RFX6: variants seen among roughly 807,000 people sequenced by gnomAD.
RFX6 encodes the protein DNA-binding protein RFX6.
A neutral mutation model predicts 110.8 loss-of-function variants in RFX6; 50 were observed. The ratio of observed to expected loss-of-function variants is 0.45; its 90% CI spans 0.36 to 0.57. The LOEUF (loss-of-function observed/expected upper bound fraction) is 0.57. RFX6 is among the 20% of genes least tolerant of loss of function. The pLI is 0.00. For synonymous variants in RFX6, 383 were observed against 411.2 expected, an observed-to-expected ratio of 0.93 and a Z score of 0.83; for missense variants, 990 against 1,127.0, an observed-to-expected ratio of 0.88 and a Z score of 1.74.
At chr6:116,922,762 C>A (rs557810639) in intron 13 of RFX6, among the ~76,000 whole-genome samples, 42 of 152,256 alleles carry the variant, frequency 2.8e-4, no homozygotes, top group Middle Eastern at 6.8e-3. Context: ...CAGAGTTAAT[C>A]ATTCACAAAA....
chr6:116,881,723 G>A (rs1774593753), intron 3 of RFX6, among the ~76,000 whole-genome samples: 1 of 151,980 alleles, frequency 6.6e-6, no homozygotes, highest in Admixed American at 6.6e-5. Flanking sequence ...TAACTGTTTG[G>A]CAGTCATGAA....
chr6:116,922,042 A>C lies in RFX6; in HGVS notation c.1328A>C (p.His443Pro). 2.3e-6 allele frequency: 3 copies of C among 1,301,322 alleles called. No individual in the cohort carries two copies. Among genetic ancestry groups the C allele is most frequent in the Non-Finnish European group, 3.3e-6 (3 of 904,796 alleles). 80.6% of individuals were successfully genotyped at this position (1,301,322 alleles called of 1,614,324 possible). The change falls in exon 13 of 19, where the codon CAT (histidine) becomes CCT (proline). Residue 443 changes from histidine to proline, a missense_variant and splice_region_variant. His to Pro is a moderately conservative substitution (Grantham distance 77). Coordinates refer to ENST00000332958, the MANE Select transcript of RFX6 (RefSeq NM_173560.4). ...TCTTTTTTTTTTTTTTCCTGGGTAG[A>C]TGACTCTATCACTGTGTTCCAAGAA... Reference protein sequence around the residue: ...TDTESGIYTEHDSITVFQELK... With the variant: ...TDTESGIYTEPDSITVFQELK...
At chr6:116,883,920 C>T (rs1774646258) in intron 4 of RFX6, among the ~76,000 whole-genome samples, 1 of 152,184 alleles carries the variant, frequency 6.6e-6, no homozygotes, top group Admixed American at 6.6e-5. Flanking sequence ...CCTCCACTGG[C>T]TCATAATTTC....
intron 6 of RFX6, among the ~76,000 whole-genome samples, chr6:116,904,213 A>G (rs1775144899): frequency 6.6e-6 from 1 of 152,056 alleles, no homozygotes; most frequent in South Asian, 2.1e-4. Context: ...TTCAGATCAT[A>G]TCGTTTTTTA....
At position 116,922,110 on chromosome 6, in the gene RFX6, A is replaced by G; in HGVS notation, c.1396A>G (p.Ile466Val). The G allele has an allele frequency of 6.4e-7, 1 of 1,556,730 alleles. No homozygotes were observed. The highest frequency in any genetic ancestry group is 8.8e-7 in the Non-Finnish European group (1 of 1,130,542). Residue 466 changes from isoleucine (I) to valine (V), a missense_variant, in exon 13 of 19, where the codon ATT (isoleucine) becomes GTT (valine). Around this residue, in one of 5 missense-constraint regions of RFX6, gnomAD observed 89 missense variants for 140.3 expected, o/e 0.63. Transcript: ENST00000332958. ...GAAGAATGCCACTGTGGAGGCTTTT[A>G]TTGAATGGTTGGATACTGTGGTAGA... ...LKKNATVEAF[I>V]EWLDTVVEQR...
chr6:116,895,481 C>T (rs1774923873), intron 6 of RFX6, among the ~76,000 whole-genome samples: 1 of 152,214 alleles, frequency 6.6e-6, no homozygotes, highest in Middle Eastern at 3.4e-3. Context: ...AAAAAAAACA[C>T]TATCATTTAT....
rs201669550 is a variant in RFX6, at chr6:116,918,007, T to G, written c.973-30T>G. The G allele has an allele frequency of 1.7e-3, 2,660 of 1,522,296 alleles. 13 individuals carry two copies. The highest frequency in any genetic ancestry group is 5.9e-3 in the South Asian group (522 of 88,706). 94.3% of individuals were successfully genotyped at this position (1,522,296 alleles called of 1,614,324 possible). On this transcript the variant is annotated intron_variant, in intron 9 of 18. Transcript: ENST00000332958. Reference sequence around the variant, plus strand: ...TTTCTATAGAAATACTAAGTAAAGATTTGTATTAACCTCTTTTGCTATGAT... The same window carrying G: ...TTTCTATAGAAATACTAAGTAAAGAGTTGTATTAACCTCTTTTGCTATGAT...
chr6:116,886,712 G>T (rs1016768537), intron 4 of RFX6, among the ~76,000 whole-genome samples: 2 of 152,048 alleles, frequency 1.3e-5, no homozygotes, highest in African/African-American at 4.8e-5. Flanking sequence ...TATAAAATGA[G>T]CCCAAAATTT....
At chr6:116,903,831 C>G (rs184157486) in intron 6 of RFX6, among the ~76,000 whole-genome samples, 2 of 151,846 alleles carry the variant, frequency 1.3e-5, no homozygotes, top group African/African-American at 4.8e-5. Flanking sequence ...TATCCCAATG[C>G]GTTTATTCAT....
intron 6 of RFX6, among the ~76,000 whole-genome samples, chr6:116,904,398 T>C (rs900935942): frequency 1.1e-4 from 16 of 152,114 alleles, no homozygotes; most frequent in African/African-American, 3.9e-4. Context: ...TTTTAAAAAT[T>C]TGTGTATATT....
intron 9 of RFX6, 136 bp downstream of exon 9, chr6:116,916,450 G>A: frequency 1.5e-6 from 1 of 687,036 alleles, no homozygotes; most frequent in East Asian, 2.7e-5. Flanking sequence ...TGATGAGAAA[G>A]CAAGCAATTT....
intron 1 of RFX6, 123 bp from the exon 2 acceptor site, chr6:116,877,673 C>A: frequency 9.4e-7 from 1 of 1,061,728 alleles, no homozygotes; most frequent in Non-Finnish European, 1.4e-6. Flanking sequence ...TTGCATAGCC[C>A]CCCTTTCCTC....
At chr6:116,893,210 T>A (rs1774867686) in intron 4 of RFX6, among the ~76,000 whole-genome samples, 1 of 152,198 alleles carries the variant, frequency 6.6e-6, no homozygotes, top group South Asian at 2.1e-4. Flanking sequence ...GCTAGAGGAC[T>A]CTGACTATCC....
At chr6:116,882,712 G>A (rs142856870) in intron 4 of RFX6, among the ~76,000 whole-genome samples, 233 of 152,228 alleles carry the variant, frequency 1.5e-3, no homozygotes, top group African/African-American at 5.3e-3. Context: ...CCAGTGTTAT[G>A]AGGAGGAATG....
intron 1 of RFX6, 49 bp from the exon 2 acceptor site, chr6:116,877,747 T>C (rs773506406): frequency 6.3e-7 from 1 of 1,581,642 alleles, no homozygotes; most frequent in South Asian, 1.1e-5. Context: ...GGCGACTTAG[T>C]TGATTTTATA....
At position 116,931,546 on chromosome 6, in the gene RFX6, A is replaced by G. The variant is rs767289959; in HGVS notation, c.*40A>G. ...AGGGGGTGCTAAAACTTTAAAAAAA[A>G]TCTCTACTGTGCAAATATCATTATT... On this transcript the variant is annotated 3_prime_UTR_variant, in exon 19 of 19. Coordinates refer to ENST00000332958, the MANE Select transcript of RFX6 (RefSeq NM_173560.4). The G allele has an allele frequency of 1.4e-6, 2 of 1,419,066 alleles. No homozygotes were observed. The highest frequency in any genetic ancestry group is 1.2e-5 in the South Asian group (1 of 84,992). 87.9% of individuals were successfully genotyped at this position (1,419,066 alleles called of 1,614,324 possible). A position where few individuals can be genotyped will look rare whatever the true frequency, so the allele number is the denominator to read the frequency against.
chr6:116,912,876 G>A (rs1356783377), intron 7 of RFX6, among the ~76,000 whole-genome samples: 1 of 152,012 alleles, frequency 6.6e-6, no homozygotes, highest in African/African-American at 2.4e-5. Context: ...AGGTATCAAG[G>A]TGCTTTTATA....
Position 116,911,027 on chromosome 6 carries a change from C to G in RFX6, c.765C>G (p.Cys255Trp). 1 of 1,604,556 alleles carries G rather than the reference C, an allele frequency of 6.2e-7. No individual in the cohort carries two copies. The highest frequency in any genetic ancestry group is 8.5e-7 in the Non-Finnish European group (1 of 1,171,366). Residue 255 changes from cysteine (C) to tryptophan (W), a missense_variant, in exon 7 of 19, where the codon TGC becomes TGG. Physicochemically the swap from Cys to Trp is radical, Grantham distance 215. This residue lies in a region of RFX6 where 243 missense variants were observed against 353.1 expected (regional missense o/e 0.69). Transcript: ENST00000332958. ...CTCAACACCTTGTATACCAAGGATG[C>G]ATTTCTAAGGACAAGGTATCAATTA... ...PSAQHLVYQG[C>W]ISKDKVDTLI...
intron 17 of RFX6, 85 bp downstream of exon 17, chr6:116,927,624 G>A (rs1054067244): frequency 9.0e-6 from 10 of 1,105,032 alleles, no homozygotes; most frequent in African/African-American, 1.5e-5. Flanking sequence ...CTGCTGACTA[G>A]CATGTCCTTT....
Sources: allele counts gnomAD v4.1 joint callset (sites outside exome capture counted in the v4.1 genomes callset), GRCh38; gene constraint gnomAD v4.1.1; regional missense constraint gnomAD v4.1.1; transcripts MANE v1.5; gene names NCBI Gene and HGNC (gene_info 2026-07-23, HGNC 2026-07-21).